ARFIP1: variants seen among roughly 807,000 people sequenced by gnomAD.
ARFIP1 encodes ARF interacting protein 1.
ARFIP1 carries 24 observed loss-of-function variants against 42.5 expected under a neutral mutation model. That is an observed-to-expected ratio of 0.57 (90% CI 0.41 to 0.80). The LOEUF is 0.80. ARFIP1 is among the 30% of genes least tolerant of loss of function. ARFIP1 has a pLI of 0.00. For synonymous variants in ARFIP1, 141 were observed against 153.7 expected (o/e 0.92, Z 0.61); for missense variants, 354 against 434.0 (o/e 0.82, Z 1.64).
At chr4:152,862,200 G>T (rs1215015077) in intron 2 of ARFIP1, among the ~76,000 whole-genome samples, 1 of 152,068 alleles carries the variant, frequency 6.6e-6, no homozygotes, top group Non-Finnish European at 1.5e-5. Context: ...TTCCCTGAAA[G>T]TTTTTCTACT....
intron 1 of ARFIP1, among the ~76,000 whole-genome samples, chr4:152,788,853 T>G (rs1730977147): frequency 6.7e-6 from 1 of 148,994 alleles, no homozygotes; most frequent in Non-Finnish European, 1.5e-5. Context: ...GATAGCATAT[T>G]ACCTTTAGTG....
chr4:152,795,819 A>ATTTTTTTTTTTT (rs1255846759), intron 1 of ARFIP1, among the ~76,000 whole-genome samples: 2 of 16,774 alleles, frequency 1.2e-4, no homozygotes, highest in Non-Finnish European at 2.3e-4. Flanking sequence ...GGGCCCTTGT[A>ATTTTTTTTTTTT]ATTTTTTTTT....
intron 8 of ARFIP1, among the ~76,000 whole-genome samples, chr4:152,901,300 G>A (rs1380881946): frequency 2.0e-5 from 3 of 152,160 alleles, no homozygotes; most frequent in African/African-American, 7.2e-5. Flanking sequence ...TACATGCTGT[G>A]TAGGCAAGAG....
intron 1 of ARFIP1, among the ~76,000 whole-genome samples, chr4:152,827,379 T>C (rs1265344750): frequency 1.3e-5 from 2 of 152,202 alleles, no homozygotes; most frequent in Non-Finnish European, 2.9e-5. Flanking sequence ...GCTAGAGTGG[T>C]ACATTCGTTA....
chr4:152,905,168 T>G (rs1738204457), intron 8 of ARFIP1, among the ~76,000 whole-genome samples: 1 of 152,226 alleles, frequency 6.6e-6, no homozygotes, highest in Non-Finnish European at 1.5e-5. Flanking sequence ...TGAACTTTCA[T>G]GTAGAAGTCG....
intron 1 of ARFIP1, among the ~76,000 whole-genome samples, chr4:152,826,934 A>T (rs1185268022): frequency 2.6e-5 from 4 of 152,244 alleles, no homozygotes; most frequent in Non-Finnish European, 5.9e-5. Flanking sequence ...AATCACGAAA[A>T]GATAAATACT....
chr4:152,846,565 C>T (rs561973283), intron 2 of ARFIP1, among the ~76,000 whole-genome samples: 3 of 152,242 alleles, frequency 2.0e-5, no homozygotes, highest in Non-Finnish European at 4.4e-5. Flanking sequence ...TTTTGGCTTA[C>T]TTTTCCCCAT....
rs1158170994 is a variant in ARFIP1 at position 152,804,387 on chromosome 4, TTA to T, written c.-10+24167_-10+24168del. 3.9e-5 allele frequency among the ~76,000 whole-genome samples: 4 copies of T among 103,396 alleles called. No individual in the cohort carries two copies. In the Admixed American group the frequency reaches 5.3e-4, roughly 14 times the overall value. 67.8% of individuals were successfully genotyped at this position (103,396 alleles called of 152,430 possible). A position where few individuals can be genotyped will look rare whatever the true frequency, so the allele number is the denominator to read the frequency against. On this transcript the variant is annotated intron_variant, in intron 1 of 8. Coordinates refer to ENST00000353617, the MANE Select transcript of ARFIP1 (RefSeq NM_001025595.3). ...TATATTATATATAATATAACATGTA[TTA>T]TATATTATATATAATATAACATGTA...
intron 4 of ARFIP1, among the ~76,000 whole-genome samples, chr4:152,872,013 T>G (rs190866764): frequency 1.3e-5 from 2 of 152,270 alleles, no homozygotes; most frequent in African/African-American, 2.4e-5. Flanking sequence ...CAACATTCTA[T>G]TGTTGTTGTA....
At chr4:152,807,487 G>A (rs998703949) in intron 1 of ARFIP1, among the ~76,000 whole-genome samples, 1 of 152,048 alleles carries the variant, frequency 6.6e-6, no homozygotes. Flanking sequence ...TCTTATTGTG[G>A]TTTTAATTTG....
intron 1 of ARFIP1, among the ~76,000 whole-genome samples, chr4:152,820,455 A>G (rs59817854): frequency 0.014 from 2,158 of 152,308 alleles, 28 homozygotes; most frequent in African/African-American, 0.034. Flanking sequence ...TAAAAAAACT[A>G]TCTGAGACTG....
chr4:152,885,171 G>A, intron 7 of ARFIP1, among the ~76,000 whole-genome samples: 1 of 152,024 alleles, frequency 6.6e-6, no homozygotes, highest in East Asian at 1.9e-4. Flanking sequence ...AAGAATCCAA[G>A]GTTAAAAGTT....
At chr4:152,800,843 A>G (rs1403839825) in intron 1 of ARFIP1, among the ~76,000 whole-genome samples, 1 of 152,198 alleles carries the variant, frequency 6.6e-6, no homozygotes, top group African/African-American at 2.4e-5. Flanking sequence ...AGCGTGGTAC[A>G]AGTCAAGCAT....
At chr4:152,857,091 T>G (rs1186185374) in intron 2 of ARFIP1, among the ~76,000 whole-genome samples, 14 of 152,232 alleles carry the variant, frequency 9.2e-5, no homozygotes, top group Non-Finnish European at 2.9e-5. Context: ...AAATAAAAAT[T>G]GAGTGTAAGG....
intron 1 of ARFIP1, among the ~76,000 whole-genome samples, chr4:152,783,107 G>A (rs1730599697): frequency 6.6e-6 from 1 of 152,128 alleles, no homozygotes; most frequent in Admixed American, 6.5e-5. Context: ...GATGTCAGGA[G>A]TTCAAAACCT....
intron 8 of ARFIP1, among the ~76,000 whole-genome samples, chr4:152,900,903 C>T (rs1737776522): frequency 6.6e-6 from 1 of 152,186 alleles, no homozygotes; most frequent in South Asian, 2.1e-4. Context: ...TTAATATAAA[C>T]CCCTATTTCA....
chr4:152,813,728 T>C (rs1729650737), intron 1 of ARFIP1, among the ~76,000 whole-genome samples: 1 of 152,180 alleles, frequency 6.6e-6, no homozygotes, highest in South Asian at 2.1e-4. Context: ...TTGATAATAA[T>C]TGTTATTATA....
chr4:152,871,047 T>TA (rs374359219), intron 4 of ARFIP1, among the ~76,000 whole-genome samples, 199 bp downstream of exon 4: 25 of 150,628 alleles, frequency 1.7e-4, no homozygotes, highest in Non-Finnish European at 3.4e-4. Context: ...AATTCGGCTG[T>TA]ATCTCACACC....
chr4:152,781,485 C>T (rs951815721), intron 1 of ARFIP1, among the ~76,000 whole-genome samples: 1 of 152,210 alleles, frequency 6.6e-6, no homozygotes, highest in Admixed American at 6.5e-5. Context: ...GATCCTCCCT[C>T]CTCGGCCTCC....
Sources: gnomAD v4.1 joint callset for allele counts (sites outside exome capture counted in the v4.1 genomes callset) on GRCh38, gnomAD v4.1.1 for gene constraint, MANE v1.5 for transcripts, NCBI Gene and HGNC (gene_info 2026-07-23, HGNC 2026-07-21) for gene names.